The following RBM25 variants were observed in gnomAD, a reference collection of about 807,000 sequenced individuals.
The protein encoded by RBM25 is RNA-binding protein 25.
In RBM25, 19 loss-of-function variants were observed where a neutral mutation model predicts 120.7. That is an observed-to-expected ratio of 0.16 (90% CI 0.11 to 0.23). The LOEUF (loss-of-function observed/expected upper bound fraction) is 0.23, where lower values mean the gene tolerates loss of function less well. RBM25 is among the 10% of genes least tolerant of loss of function. RBM25 has a pLI of 1.00. For missense variants in RBM25, 605 were observed against 1,041.5 expected, an observed-to-expected ratio of 0.58 and a Z score of 5.77; for synonymous variants, 390 against 326.7, an observed-to-expected ratio of 1.19 and a Z score of -2.09.
At chr14:73,102,313 C>G (rs1001856184) in intron 9 of RBM25, 1 of 152,072 alleles carries the variant, frequency 6.6e-6, no homozygotes, top group African/African-American at 2.4e-5. Context: ...CTTGGTCTGA[C>G]TTTGTTATTT....
At chr14:73,069,829 C>G (rs12892776) in intron 1 of RBM25, 1 of 88,152 alleles carries the variant, frequency 1.1e-5, no homozygotes, top group Non-Finnish European at 2.2e-5. Context: ...TTTTTTCTTT[C>G]TTTTTTTTTT....
At chr14:73,103,936 TCTCTCTCTCTCTCACACACACACA>T (rs1409250122) in intron 10 of RBM25, among the ~76,000 whole-genome samples, 66 of 50,478 alleles carry the variant, frequency 1.3e-3, no homozygotes, top group African/African-American at 4.8e-3. Context: ...TCTCTCTCTC[TCTCTCTCTCTCTCACACACACACA>T]CACACACACA....
At position 73,120,355 on chromosome 14, in the gene RBM25, GTCTT is replaced by G. The variant is rs926504115; in HGVS notation, c.*556_*559del. 7.9e-5 allele frequency: 12 copies of G among 152,560 alleles called. No homozygotes were observed. Among genetic ancestry groups the G allele is most frequent in the African/African-American group, 2.9e-4 (12 of 41,342 alleles). 9.5% of individuals were successfully genotyped at this position (152,560 alleles called of 1,614,324 possible). A position where few individuals can be genotyped will look rare whatever the true frequency, so the allele number is the denominator to read the frequency against. On this transcript the variant is annotated 3_prime_UTR_variant, in exon 19 of 19. Coordinates refer to ENST00000261973, the MANE Select transcript of RBM25 (RefSeq NM_021239.3). Reference sequence around the variant, plus strand: ...TGTGTTTGTGAATGTATGTGTAAAAGTCTTTCTTTTCCCTAATTTGCTTTGGTGG... The same window carrying G: ...TGTGTTTGTGAATGTATGTGTAAAAGTCTTTTCCCTAATTTGCTTTGGTGG...
At chr14:73,117,384 C>T (rs147034477) in intron 18 of RBM25, among the ~76,000 whole-genome samples, 221 of 151,472 alleles carry the variant, frequency 1.5e-3, no homozygotes, top group Non-Finnish European at 2.6e-3. Context: ...GGTGCCCACC[C>T]GCACGCCTGG....
Position 73,122,365 on chromosome 14 carries a change from T to C in RBM25, c.*2560T>C, listed in dbSNP as rs1195227735. ...AGCTCAGCTCACTTCAACTTCCGCC[T>C]CCCGGGTTCTGGAGATATTCTGCTT... On this transcript the variant is annotated 3_prime_UTR_variant, in exon 19 of 19. Transcript: ENST00000261973. The C allele has an allele frequency of 6.6e-6, 1 of 151,560 alleles. No individual in the cohort carries two copies. The highest frequency in any genetic ancestry group is 1.9e-4 in the East Asian group (1 of 5,140). The allele number at this position is 151,560 out of a possible 1,614,324, so 9.4% of individuals were successfully genotyped here. A position where few individuals can be genotyped will look rare whatever the true frequency, so the allele number is the denominator to read the frequency against.
chr14:73,116,593 GC>G (rs1400430945), intron 18 of RBM25, among the ~76,000 whole-genome samples: 5 of 152,142 alleles, frequency 3.3e-5, no homozygotes, highest in Non-Finnish European at 7.4e-5. Flanking sequence ...AGTCCTTGGG[GC>G]TGAATTCTGA....
intron 10 of RBM25, among the ~76,000 whole-genome samples, chr14:73,104,433 G>A (rs1459683355): frequency 3.3e-5 from 5 of 151,228 alleles, no homozygotes; most frequent in Non-Finnish European, 1.5e-5. Context: ...CAGTGGTACA[G>A]TGTTGGCTCA....
chr14:73,109,164 A>ATACAT, intron 13 of RBM25, 178 bp from the exon 14 acceptor site: 1 of 543,696 alleles, frequency 1.8e-6, no homozygotes, highest in Non-Finnish European at 3.3e-6. Context: ...AATGCTTGTT[A>ATACAT]TACATTTACA....
rs201591860 is a variant in RBM25, at chr14:73,088,541, G to A, written c.543+380G>A. ...TTTCCCTCTCTTTTAGAAGTACACC[G>A]ACTCTAAAATGAATGAAAGTCTGAT... On this transcript the variant is annotated intron_variant, in intron 6 of 18. Coordinates refer to ENST00000261973, the MANE Select transcript of RBM25 (RefSeq NM_021239.3). 5.7e-4 allele frequency: 213 copies of A among 370,784 alleles called. 1 individual carries two copies. The highest frequency in any genetic ancestry group is 4.8e-3 in the East Asian group (66 of 13,806). The allele number at this position is 370,784 out of a possible 1,614,324, so 23.0% of individuals were successfully genotyped here. A position where few individuals can be genotyped will look rare whatever the true frequency, so the allele number is the denominator to read the frequency against.
chr14:73,072,688 G>A (rs1273014898), intron 2 of RBM25, among the ~76,000 whole-genome samples: 1 of 152,196 alleles, frequency 6.6e-6, no homozygotes, highest in African/African-American at 2.4e-5. Flanking sequence ...GGTGGTGCGT[G>A]TCTGTTGTCT....
In RBM25 at chr14:73,106,894, G is replaced by A. The variant is rs1224043532; in HGVS notation, c.1467+609G>A. ...GTTGCTCTGCCACCCAGGCTGGGGT[G>A]TGATCTCGGCTCACTGCAACCTTCT... On this transcript the variant is annotated intron_variant, in intron 12 of 18. Coordinates refer to ENST00000261973, the MANE Select transcript of RBM25 (RefSeq NM_021239.3). Among the ~76,000 whole-genome samples, 5 of 150,384 alleles carry A rather than the reference G, an allele frequency of 3.3e-5. No individual in the cohort carries two copies. The East Asian group carries it at 7.8e-4, about 23-fold the overall frequency.
intron 3 of RBM25, 74 bp from the exon 4 acceptor site, chr14:73,077,279 TTTATTTAATCCTGATG>T: frequency 8.8e-7 from 1 of 1,138,446 alleles, no homozygotes; most frequent in South Asian, 1.6e-5. Flanking sequence ...GCTATATATA[TTTATTTAATCCTGATG>T]TTTTTAGCCT....
chr14:73,071,683 C>G lies in RBM25; in HGVS notation c.42C>G (p.Ile14Met). ...PPHLNRPPMG[I>M]PALPPGIPPP... is the part of the protein sequence containing the mutation. ...ATTTGAATCGCCCTCCCATGGGAAT[C>G]CCAGCACTCCCACCAGGGATCCCAC... Residue 14 changes from isoleucine to methionine, a missense_variant, in exon 2 of 19, where the codon ATC becomes ATG. Physicochemically the swap from Ile to Met is conservative, Grantham distance 10. This residue lies in a region of RBM25 where 90 missense variants were observed against 107.3 expected (regional missense o/e 0.84). Coordinates refer to ENST00000261973, the MANE Select transcript of RBM25 (RefSeq NM_021239.3). 1 of 1,614,040 alleles carries G rather than the reference C, an allele frequency of 6.2e-7. No homozygotes were observed. The highest frequency in any genetic ancestry group is 1.1e-5 in the South Asian group (1 of 91,082).
chr14:73,101,664 G>A (rs1397076776), intron 9 of RBM25: 1 of 152,064 alleles, frequency 6.6e-6, no homozygotes, highest in Non-Finnish European at 1.5e-5. Flanking sequence ...AAGGAGCACA[G>A]TGAAATAAGC....
intron 1 of RBM25, chr14:73,059,288 C>T (rs1388244001): frequency 6.6e-6 from 1 of 152,218 alleles, no homozygotes; most frequent in Non-Finnish European, 1.5e-5. Flanking sequence ...TTTTAGCAGT[C>T]TCCTGGCTTG....
intron 1 of RBM25, among the ~76,000 whole-genome samples, chr14:73,066,117 T>C (rs1895126201): frequency 6.6e-6 from 1 of 152,186 alleles, no homozygotes; most frequent in Non-Finnish European, 1.5e-5. Context: ...TAGGCTATTA[T>C]AATGATAATA....
Position 73,068,327 on chromosome 14 carries a change from G to A in RBM25, c.-15-3300G>A, listed in dbSNP as rs1030251064. 15 of 751,676 alleles carry A rather than the reference G, an allele frequency of 2.0e-5. No homozygotes were observed. In the East Asian group the frequency reaches 3.9e-4, roughly 20 times the overall value. The allele number at this position is 751,676 out of a possible 1,614,324, so 46.6% of individuals were successfully genotyped here. ...GTACCAAAGGATTTCATGGTTGGAA[G>A]GTGTGCCTTTTCGTCTTGGCAGTGA... On this transcript the variant is annotated intron_variant, in intron 1 of 18. Transcript: ENST00000261973.
chr14:73,078,233 A>T (rs1278738650), intron 4 of RBM25, among the ~76,000 whole-genome samples: 2 of 151,988 alleles, frequency 1.3e-5, no homozygotes, highest in African/African-American at 2.4e-5. Context: ...AACCCGTGAG[A>T]TGGAGGCTGC....
At chr14:73,107,930 T>G (rs1315490660) in intron 13 of RBM25, 31 bp downstream of exon 13, 2 of 1,486,420 alleles carry the variant, frequency 1.3e-6, no homozygotes, top group African/African-American at 2.8e-5. Context: ...GGATTCATAC[T>G]TGGTTTTTTA....
Sources: gnomAD v4.1 joint callset for allele counts (sites outside exome capture counted in the v4.1 genomes callset) on GRCh38, gnomAD v4.1.1 for gene constraint, gnomAD v4.1.1 regional missense constraint, MANE v1.5 for transcripts, NCBI Gene and HGNC (gene_info 2026-07-23, HGNC 2026-07-21) for gene names.